The following GNB1 variants were observed in gnomAD, a reference collection of about 807,000 sequenced individuals.
GNB1 encodes G protein subunit beta 1.
GNB1 carries 2 observed loss-of-function variants against 42.9 expected under a neutral mutation model. The ratio of observed to expected loss-of-function variants is 0.05; its 90% confidence interval spans 0.02 to 0.15. The LOEUF (loss-of-function observed/expected upper bound fraction) is 0.15, where lower values mean the gene tolerates loss of function less well. GNB1 is among the 10% of genes least tolerant of loss of function. The probability of loss-of-function intolerance (pLI) is 1.00; values close to 1 mark genes in which losing one functional copy is unlikely to be tolerated. For missense variants in GNB1, 193 were observed against 462.2 expected, an observed-to-expected ratio of 0.42 and a Z score of 5.34; for synonymous variants, 183 against 174.7, an observed-to-expected ratio of 1.05 and a Z score of -0.38.
At chr1:1,818,305 T>TAAAAAAAAAAA (rs70937197) in intron 3 of GNB1, 2 of 96,612 alleles carry the variant, frequency 2.1e-5, no homozygotes, top group Non-Finnish European at 2.0e-5. Flanking sequence ...AAAGGTCTAT[T>TAAAAAAAAAAA]AAAAAAAAAA....
chr1:1,843,736 A>G (rs11260622), intron 1 of GNB1, among the ~76,000 whole-genome samples: 145,515 of 152,180 alleles, frequency 0.96, 69,687 homozygotes, highest in African/African-American at 0.99. Flanking sequence ...CAGGACTACC[A>G]GTCCCACAAT....
intron 1 of GNB1, among the ~76,000 whole-genome samples, chr1:1,861,183 A>C (rs903682057): frequency 1.3e-5 from 2 of 151,396 alleles, no homozygotes; most frequent in Non-Finnish European, 2.9e-5. Context: ...ACAGCTGCGC[A>C]CAGTGGCTCA....
intron 1 of GNB1, among the ~76,000 whole-genome samples, chr1:1,866,782 G>T (rs1449313426): frequency 6.6e-6 from 1 of 150,776 alleles, no homozygotes; most frequent in Non-Finnish European, 1.5e-5. Context: ...GTGAAACCCC[G>T]TTTCTACTAA....
At chr1:1,793,192 T>C in intron 8 of GNB1, 53 bp downstream of exon 8, 1 of 1,059,904 alleles carries the variant, frequency 9.4e-7, no homozygotes, top group Non-Finnish European at 1.5e-6. Context: ...CAGAGGAATG[T>C]GCCAGGGGCT....
At chr1:1,854,044 A>AG (rs1648129318) in intron 1 of GNB1, among the ~76,000 whole-genome samples, 1 of 152,240 alleles carries the variant, frequency 6.6e-6, no homozygotes, top group Non-Finnish European at 1.5e-5. Context: ...ACCACAGCTC[A>AG]GGGGAGTCCG....
At chr1:1,871,908 C>T (rs1649270786) in intron 1 of GNB1, among the ~76,000 whole-genome samples, 1 of 152,202 alleles carries the variant, frequency 6.6e-6, no homozygotes, top group Admixed American at 6.5e-5. Flanking sequence ...CCAAACCACG[C>T]CATTTCTCAT....
At position 1,790,978 on chromosome 1, in the gene GNB1, G is replaced by A. The variant is rs987519070; in HGVS notation, c.498-382C>T. Among the ~76,000 whole-genome samples, 5 of 152,094 alleles carry A rather than the reference G, an allele frequency of 3.3e-5. No individual in the cohort carries two copies. Among genetic ancestry groups the A allele is most frequent in the African/African-American group, 1.2e-4 (5 of 41,424 alleles). On this transcript the variant is annotated intron_variant, in intron 8 of 11. Transcript: ENST00000378609. This position sits in a 1 kb window ranked among gnomAD's most constrained non-coding sequence, Gnocchi z 5.4. Reference sequence around the variant, plus strand: ...CTACGTGGAGGCCCTGGATGGCGGAGGGGACGCGACTCTATCTGTGGCTGC... The same window carrying A: ...CTACGTGGAGGCCCTGGATGGCGGAAGGGACGCGACTCTATCTGTGGCTGC...
At chr1:1,801,982 T>C (rs1224176827) in intron 7 of GNB1, among the ~76,000 whole-genome samples, 2 of 152,086 alleles carry the variant, frequency 1.3e-5, no homozygotes, top group Non-Finnish European at 2.9e-5. Context: ...AAAGAACAGT[T>C]CATCATGAGA....
intron 1 of GNB1, among the ~76,000 whole-genome samples, chr1:1,866,973 A>C (rs534878755): frequency 6.6e-5 from 10 of 150,568 alleles, no homozygotes; most frequent in African/African-American, 2.2e-4. Context: ...AAACAAAAAA[A>C]CCTCAATTCT....
intron 7 of GNB1, among the ~76,000 whole-genome samples, chr1:1,797,236 G>A (rs1646558510): frequency 6.6e-6 from 1 of 152,126 alleles, no homozygotes; most frequent in African/African-American, 2.4e-5. Flanking sequence ...ACTGTGAACT[G>A]CCTAAATGTC....
intron 1 of GNB1, among the ~76,000 whole-genome samples, chr1:1,860,096 C>G (rs1388767342): frequency 6.6e-6 from 1 of 151,846 alleles, no homozygotes; most frequent in Non-Finnish European, 1.5e-5. Context: ...AAATAGCAAC[C>G]ATAAAAAGGA....
chr1:1,807,853 G>A (rs1228947144), intron 5 of GNB1, among the ~76,000 whole-genome samples: 3 of 151,652 alleles, frequency 2.0e-5, no homozygotes, highest in South Asian at 4.2e-4. Flanking sequence ...GACTACAGGC[G>A]CCCACCATCA....
At chr1:1,851,044 C>G (rs532198487) in intron 1 of GNB1, among the ~76,000 whole-genome samples, 1 of 151,758 alleles carries the variant, frequency 6.6e-6, no homozygotes, top group African/African-American at 2.4e-5. Context: ...CCAAGGCGGG[C>G]GGATCACAAG....
intron 1 of GNB1, among the ~76,000 whole-genome samples, chr1:1,839,902 C>A (rs1647202278): frequency 1.3e-5 from 2 of 151,996 alleles, no homozygotes; most frequent in African/African-American, 4.8e-5. Context: ...CATCTGTAAT[C>A]CCAACACTTT....
intron 7 of GNB1, among the ~76,000 whole-genome samples, chr1:1,796,399 GCT>G (rs1297188769): frequency 6.6e-6 from 1 of 152,216 alleles, no homozygotes; most frequent in Non-Finnish European, 1.5e-5. Flanking sequence ...AAATACCTGG[GCT>G]CCACTGTCAG....
chr1:1,862,626 T>A (rs1208195609), intron 1 of GNB1, among the ~76,000 whole-genome samples: 2 of 151,596 alleles, frequency 1.3e-5, no homozygotes, highest in African/African-American at 4.9e-5. Context: ...ATGCCCCCGA[T>A]TTTTGTAATT....
chr1:1,835,636 A>T (rs1260023652), intron 2 of GNB1, among the ~76,000 whole-genome samples: 1 of 152,176 alleles, frequency 6.6e-6, no homozygotes, highest in Non-Finnish European at 1.5e-5. Context: ...CAGTGGAGTT[A>T]ATCAGATAGA....
intron 5 of GNB1, among the ~76,000 whole-genome samples, chr1:1,809,711 T>G (rs1207157867): frequency 2.6e-5 from 4 of 152,160 alleles, no homozygotes; most frequent in Non-Finnish European, 5.9e-5. Flanking sequence ...ACACGTAAGC[T>G]GTCCACTGAT....
At chr1:1,839,343 C>T (rs1647193105) in intron 1 of GNB1, 105 bp from the exon 2 acceptor site, 1 of 152,070 alleles carries the variant, frequency 6.6e-6, no homozygotes, top group South Asian at 2.1e-4. Flanking sequence ...TAAATTTGAC[C>T]CTTCCCTATT....
Sources: gnomAD v4.1 joint callset for allele counts (sites outside exome capture counted in the v4.1 genomes callset) on GRCh38, gnomAD v4.1.1 for gene constraint, Gnocchi (gnomAD v3.1) non-coding constraint, MANE v1.5 for transcripts, NCBI Gene and HGNC (gene_info 2026-07-23, HGNC 2026-07-21) for gene names.